Variants in LAMA2 observed in about 807,000 individuals in gnomAD.
LAMA2 encodes laminin subunit alpha 2, also known as laminin subunit alpha-2.
Under a neutral mutation model 364.8 loss-of-function variants are expected in LAMA2, and 269 were observed. That is an observed-to-expected ratio of 0.74 (90% CI 0.67 to 0.82). The LOEUF (loss-of-function observed/expected upper bound fraction) is 0.82, where lower values mean the gene tolerates loss of function less well. Ranked by LOEUF, LAMA2 falls within the 40% of genes least tolerant of loss-of-function variation. The pLI is 0.00. For synonymous variants in LAMA2, 1,379 were observed against 1,370.6 expected, an observed-to-expected ratio of 1.01 and a Z score of -0.14; for missense variants, 3,807 against 3,873.2, an observed-to-expected ratio of 0.98 and a Z score of 0.45.
At chr6:129,393,640 C>T (rs1562523091) in intron 37 of LAMA2, among the ~76,000 whole-genome samples, 1 of 152,192 alleles carries the variant, frequency 6.6e-6, no homozygotes, top group Non-Finnish European at 1.5e-5. Context: ...CCCAAATCTA[C>T]AATAAGTGCA....
intron 50 of LAMA2, 67 bp downstream of exon 50, chr6:129,464,519 G>C (rs1299459645): frequency 1.6e-6 from 2 of 1,281,284 alleles, no homozygotes; most frequent in East Asian, 2.3e-5. Context: ...TCAGTTATTG[G>C]TAAAATCATC....
At chr6:129,467,769 A>T (rs1783619713) in intron 51 of LAMA2, among the ~76,000 whole-genome samples, 1 of 151,956 alleles carries the variant, frequency 6.6e-6, no homozygotes, top group Admixed American at 6.6e-5. Flanking sequence ...AATCAATATT[A>T]GTCAAAGGTC....
intron 31 of LAMA2, among the ~76,000 whole-genome samples, chr6:129,350,484 A>G (rs371899475): frequency 9.2e-5 from 14 of 152,318 alleles, no homozygotes; most frequent in East Asian, 3.9e-4. Context: ...CCCATGACTA[A>G]CCAGCGTGAG....
chr6:128,930,494 A>G (rs13215350), intron 1 of LAMA2, among the ~76,000 whole-genome samples: 2 of 152,176 alleles, frequency 1.3e-5, no homozygotes, highest in African/African-American at 4.8e-5. Context: ...TGCTATAGAG[A>G]CAGATGATCT....
chr6:129,200,514 A>G (rs72990959), intron 12 of LAMA2, among the ~76,000 whole-genome samples: 2,835 of 151,372 alleles, frequency 0.019, 39 homozygotes, highest in South Asian at 0.037. Context: ...ATGTGTGTGT[A>G]TATGCATATA....
chr6:129,512,438 T>C lies in LAMA2; in HGVS notation c.8933T>C (p.Leu2978Pro). ...FRTTTTTGVL[L>P]GISSQKMDGM... ...ACAACTACAACGACTGGAGTTCTTC[T>C]GGGGATCAGTAGTCAAAAAATGGAT... Residue 2978 changes from leucine to proline, a missense_variant, in exon 63 of 65, where the codon CTG (leucine) becomes CCG (proline). Physicochemically the swap from Leu to Pro is moderately conservative, Grantham distance 98. This residue lies in a region of LAMA2 where 3,333 missense variants were observed against 3,345.7 expected (regional missense o/e 1.00). Coordinates refer to ENST00000421865, the MANE Select transcript of LAMA2 (RefSeq NM_000426.4). The C allele has an allele frequency of 6.2e-7, 1 of 1,613,748 alleles. No homozygotes were observed. The highest frequency in any genetic ancestry group is 8.5e-7 in the Non-Finnish European group (1 of 1,179,678).
Position 129,427,612 on chromosome 6 carries a change from G to T in LAMA2, c.5866-140G>T. 3 of 701,440 alleles carry T rather than the reference G, an allele frequency of 4.3e-6. No homozygotes were observed. In the East Asian group the frequency reaches 7.6e-5, roughly 18 times the overall value. The allele number at this position is 701,440 out of a possible 1,614,324, so 43.5% of individuals were successfully genotyped here. On this transcript the variant is annotated intron_variant, in intron 40 of 64. Transcript: ENST00000421865. ...TCTCCTAACTTTAACTACCGAATAT[G>T]TGCTAATAATTTACAATTCTATATC...
At chr6:128,911,599 T>C (rs1234531274) in intron 1 of LAMA2, among the ~76,000 whole-genome samples, 1 of 152,204 alleles carries the variant, frequency 6.6e-6, no homozygotes, top group Non-Finnish European at 1.5e-5. Flanking sequence ...ACCTGTCTTC[T>C]GCGTCGCTCA....
intron 18 of LAMA2, among the ~76,000 whole-genome samples, chr6:129,281,625 A>G (rs996333036): frequency 5.9e-5 from 9 of 152,182 alleles, no homozygotes; most frequent in Non-Finnish European, 1.2e-4. Context: ...ATCTTTCTTT[A>G]ATGCAAGTGA....
intron 9 of LAMA2, among the ~76,000 whole-genome samples, chr6:129,173,056 A>C (rs768561379): frequency 6.6e-6 from 1 of 152,070 alleles, no homozygotes; most frequent in African/African-American, 2.4e-5. Flanking sequence ...GCACCCACTG[A>C]CCTGCGCCCA....
chr6:128,889,198 A>G lies in LAMA2; in HGVS notation c.112+5841A>G, dbSNP rs542403460. Among the ~76,000 whole-genome samples, 210 of 152,362 alleles carry G rather than the reference A, an allele frequency of 1.4e-3. 1 individual carries two copies. The highest frequency in any genetic ancestry group is 4.9e-3 in the African/African-American group (205 of 41,590). On this transcript the variant is annotated intron_variant, in intron 1 of 64. Transcript: ENST00000421865. The stretch of plus-strand genomic sequence containing the variant: ...TTTAAATAGTATGCACTTTAAAACA[A>G]AAATGAATTATTCACAATCCCACAT...
Position 129,177,601 on chromosome 6 carries a change from T to G in LAMA2, c.1307-105T>G, listed in dbSNP as rs1238442162. 1.5e-5 allele frequency: 17 copies of G among 1,165,400 alleles called. No homozygotes were observed. In the African/African-American group the frequency reaches 2.6e-4, roughly 18 times the overall value. The allele number at this position is 1,165,400 out of a possible 1,614,324, so 72.2% of individuals were successfully genotyped here. A position where few individuals can be genotyped will look rare whatever the true frequency, so the allele number is the denominator to read the frequency against. On this transcript the variant is annotated intron_variant, in intron 9 of 64. Transcript: ENST00000421865. ...TTTATTGATATATATAAAAAATCTA[T>G]TTTTGTGTCAAAATAGCATTTTAAA...
At chr6:129,152,987 C>T (rs988353772) in intron 7 of LAMA2, among the ~76,000 whole-genome samples, 5 of 152,076 alleles carry the variant, frequency 3.3e-5, no homozygotes, top group Admixed American at 6.6e-5. Flanking sequence ...CACACCTACA[C>T]ACACACACAC....
chr6:129,157,654 C>T (rs1482168550), intron 8 of LAMA2: 98 of 1,612,242 alleles, frequency 6.1e-5, no homozygotes, highest in Non-Finnish European at 7.9e-5. Flanking sequence ...AGACATTCAT[C>T]ACTGTTCCAC....
chr6:129,367,445 ATTC>A (rs1273491190), intron 33 of LAMA2, among the ~76,000 whole-genome samples: 1 of 152,232 alleles, frequency 6.6e-6, no homozygotes, highest in Non-Finnish European at 1.5e-5. Flanking sequence ...TTTTACAAAC[ATTC>A]AAAGTACATT....
intron 12 of LAMA2, among the ~76,000 whole-genome samples, chr6:129,211,964 G>A (rs570553166): frequency 6.6e-6 from 1 of 152,230 alleles, no homozygotes; most frequent in South Asian, 2.1e-4. Flanking sequence ...GCTTTTTGTG[G>A]ACAGCAGTTA....
intron 39 of LAMA2, among the ~76,000 whole-genome samples, chr6:129,402,985 GC>G: frequency 6.6e-6 from 1 of 152,208 alleles, no homozygotes; most frequent in South Asian, 2.1e-4. Flanking sequence ...CTGTAAAATA[GC>G]AGCTTATTCT....
At chr6:129,013,101 G>A (rs995435070) in intron 1 of LAMA2, among the ~76,000 whole-genome samples, 1 of 152,196 alleles carries the variant, frequency 6.6e-6, no homozygotes, top group African/African-American at 2.4e-5. Flanking sequence ...TTTATTTGAA[G>A]CAGTCTTTCA....
At position 129,297,793 on chromosome 6, in the gene LAMA2, C is replaced by A; in HGVS notation, c.2965C>A (p.Pro989Thr). The A allele has an allele frequency of 5.0e-6, 8 of 1,614,054 alleles. No homozygotes were observed. The highest frequency in any genetic ancestry group is 6.8e-6 in the Non-Finnish European group (8 of 1,179,968). The change falls in exon 21 of 65, where the codon CCT (proline) becomes ACT (threonine). Residue 989 changes from proline to threonine, a missense_variant. Pro to Thr is a conservative substitution (Grantham distance 38). Coordinates refer to ENST00000421865, the MANE Select transcript of LAMA2 (RefSeq NM_000426.4). ...CEESGQCWCQ[P>T]GVTGKKCDRC... is the part of the protein sequence containing the mutation. ...AGAGAGTGGACAATGTTGGTGCCAA[C>A]CTGGAGTCACAGGGAAGAAATGTGA...
Sources: gnomAD v4.1 joint callset for allele counts (sites outside exome capture counted in the v4.1 genomes callset) on GRCh38, gnomAD v4.1.1 for gene constraint, gnomAD v4.1.1 regional missense constraint, MANE v1.5 for transcripts, NCBI Gene and HGNC (gene_info 2026-07-23, HGNC 2026-07-21) for gene names.